FAN1: variants seen among roughly 807,000 people sequenced by gnomAD.
The protein encoded by FAN1 is fanconi-associated nuclease 1.
In FAN1, 91 loss-of-function variants were observed where a neutral mutation model predicts 104.9. The ratio of observed to expected loss-of-function variants is 0.87; its 90% CI spans 0.73 to 1.03. The LOEUF is 1.03. Ranked by LOEUF, FAN1 falls within the 50% of genes least tolerant of loss-of-function variation. FAN1 has a pLI of 0.00. For synonymous variants in FAN1, 478 were observed against 457.6 expected (o/e 1.04, Z -0.57); for missense variants, 1,263 against 1,239.9 (o/e 1.02, Z -0.28).
rs760108008 is a variant in FAN1, at chr15:30,913,963, A to G, written c.1683A>G (p.Glu561=). The change falls in exon 5 of 15, where the codon GAA becomes GAG. Residue 561 remains glutamate (E), a synonymous_variant. Transcript: ENST00000362065. ...CGTTGACCGACTCAATGGAAGATGA[A>G]GACGCCGCTTGTGGAGGTCAGGGAC... ...LFSLTDSMED[E]DAACGGQGQL... The G allele has an allele frequency of 3.7e-6, 6 of 1,614,210 alleles. No homozygotes were observed. The highest frequency in any genetic ancestry group is 4.2e-6 in the Non-Finnish European group (5 of 1,180,038).
At chr15:30,932,879 A>ATTT (rs774762002) in intron 13 of FAN1, among the ~76,000 whole-genome samples, 4 of 139,344 alleles carry the variant, frequency 2.9e-5, no homozygotes, top group African/African-American at 7.9e-5. Context: ...TGCCTGGATA[A>ATTT]TTTTTTTTTT....
Position 30,925,884 on chromosome 15 carries a change from G to C in FAN1, c.2433G>C (p.Leu811=), listed in dbSNP as rs141812435. Residue 811 remains leucine, a synonymous_variant, in exon 10 of 15, where the codon CTG becomes CTC. Transcript: ENST00000362065. ...AGGCCGCTGACCCCACCACGGTCCT[G>C]TGCTCTGTGGAGGAGCTGGCACTGG... is the stretch of plus-strand genomic sequence containing the variant. The part of the protein sequence containing the change: ...AGEAADPTTV[L]CSVEELALAH... 10 of 1,614,104 alleles carry C rather than the reference G, an allele frequency of 6.2e-6. No homozygotes were observed. Among genetic ancestry groups the C allele is most frequent in the African/African-American group, 1.3e-5 (1 of 74,956 alleles).
chr15:30,924,246 T>C (rs1158219188), intron 8 of FAN1, among the ~76,000 whole-genome samples: 2 of 152,210 alleles, frequency 1.3e-5, no homozygotes, highest in South Asian at 2.1e-4. Context: ...TAGCCACTCA[T>C]TGGTTGATGG....
chr15:30,920,813 C>T (rs1595852554), intron 7 of FAN1, among the ~76,000 whole-genome samples, 160 bp downstream of exon 7: 1 of 152,178 alleles, frequency 6.6e-6, no homozygotes, highest in South Asian at 2.1e-4. Context: ...GAGACAGGGT[C>T]TCACTCCATC....
At chr15:30,928,726 C>T (rs1172948941) in intron 11 of FAN1, 70 bp downstream of exon 11, 1 of 1,605,204 alleles carries the variant, frequency 6.2e-7, no homozygotes, top group African/African-American at 1.3e-5. Flanking sequence ...CACCTGGGCA[C>T]CGTGTGTCCA....
At position 30,942,055 on chromosome 15, in the gene FAN1, T is replaced by G. The variant is rs781084701; in HGVS notation, c.*493T>G. 1.8e-5 allele frequency: 29 copies of G among 1,613,656 alleles called. No homozygotes were observed. Among genetic ancestry groups the G allele is most frequent in the Non-Finnish European group, 2.0e-5 (24 of 1,179,692 alleles). On this transcript the variant is annotated 3_prime_UTR_variant, in exon 15 of 15. Transcript: ENST00000362065. ...TTAAGGCAGACGGCATTCCTCTTAG[T>G]GTGGAGCTGTAGCTTTTCTATACAG... is the stretch of plus-strand genomic sequence containing the variant.
At position 30,905,253 on chromosome 15, in the gene FAN1, C is replaced by A. The variant is rs376369585; in HGVS notation, c.590C>A (p.Ser197Ter). The A allele has an allele frequency of 6.2e-7, 1 of 1,614,018 alleles. No homozygotes were observed. The highest frequency in any genetic ancestry group is 8.5e-7 in the Non-Finnish European group (1 of 1,180,014). Reference protein sequence around the residue: ...TVVKSLIDNSSEIEDEDQILE... With the variant: ...TVVKSLIDNS ...GTTAAGAGCCTGATTGATAACTCTTCAGAAATTGAGGACGAGGATCAAATT... is the reference window on the plus strand; with the variant it reads ...GTTAAGAGCCTGATTGATAACTCTTAAGAAATTGAGGACGAGGATCAAATT... Residue 197 changes from serine to a stop codon, truncating the protein, a stop_gained, in exon 2 of 15, where the codon TCA (serine) becomes TAA (stop). Transcript: ENST00000362065. LOFTEE classifies it high-confidence loss of function.
intron 14 of FAN1, chr15:30,938,915 T>C: frequency 1.0e-6 from 1 of 985,244 alleles, no homozygotes; most frequent in Non-Finnish European, 1.2e-6. Context: ...TGTGTTCCAG[T>C]AGATGATTTC....
In FAN1 at chr15:30,925,795, A is replaced by AT; in HGVS notation, c.2345dup (p.Thr783HisfsTer24). 3 of 1,614,166 alleles carry AT rather than the reference A, an allele frequency of 1.9e-6. No homozygotes were observed. The highest frequency in any genetic ancestry group is 2.5e-6 in the Non-Finnish European group (3 of 1,180,040). ...TATTCTGCTGCTGTTTCAGGTGACC[A>AT]TCACAGGCAGGCTGTGCCCACAGCG... On this transcript the variant is annotated frameshift_variant, in exon 10 of 15. Transcript: ENST00000362065. LOFTEE classifies it high-confidence loss of function.
chr15:30,929,152 A>G (rs768533829), intron 11 of FAN1, 51 bp from the exon 12 acceptor site: 22 of 1,550,316 alleles, frequency 1.4e-5, no homozygotes, highest in Non-Finnish European at 1.9e-5. Context: ...CCTCTGGTGA[A>G]CACGGCTCTC....
intron 6 of FAN1, among the ~76,000 whole-genome samples, chr15:30,918,630 CG>C (rs1217923295): frequency 5.9e-5 from 9 of 152,024 alleles, no homozygotes; most frequent in African/African-American, 2.2e-4. Flanking sequence ...AGCAGCAGGA[CG>C]GATGTGGGAA....
chr15:30,918,337 C>T, intron 6 of FAN1, 42 bp downstream of exon 6: 1 of 1,598,676 alleles, frequency 6.3e-7, no homozygotes, highest in East Asian at 2.2e-5. Context: ...TATACATTGA[C>T]CAAGTTGTTC....
chr15:30,924,907 A>G (rs957170921), intron 8 of FAN1, among the ~76,000 whole-genome samples: 10 of 152,206 alleles, frequency 6.6e-5, no homozygotes, highest in Non-Finnish European at 8.8e-5. Context: ...CAGCCCGGTC[A>G]CGCTCCAGCA....
At chr15:30,920,479 TTGTTA>T in intron 6 of FAN1, 61 bp from the exon 7 acceptor site, 2 of 1,006,060 alleles carry the variant, frequency 2.0e-6, no homozygotes, top group Non-Finnish European at 3.1e-6. Flanking sequence ...GCTTTGTCAC[TTGTTA>T]TTATTGTCTT....
intron 14 of FAN1, chr15:30,940,388 C>T: frequency 1.0e-6 from 1 of 985,402 alleles, no homozygotes; most frequent in Middle Eastern, 5.2e-4. Context: ...ATTCAAATGG[C>T]AGTGTTTTGA....
rs781037634 is a variant in FAN1, at chr15:30,941,284, A to G, written c.*4-282A>G. ...ATGACAGAAAGAGGACAGGAACAAA[A>G]TTTACATCTCTCTTAAAATAAGTGT... On this transcript the variant is annotated intron_variant, in intron 14 of 14. Transcript: ENST00000362065. 137 of 1,504,548 alleles carry G rather than the reference A, an allele frequency of 9.1e-5. 1 individual carries two copies. The African/African-American group carries it at 1.7e-3, about 19-fold the overall frequency. The allele number at this position is 1,504,548 out of a possible 1,614,324, so 93.2% of individuals were successfully genotyped here.
intron 5 of FAN1, among the ~76,000 whole-genome samples, chr15:30,916,895 G>A (rs965217064): frequency 6.6e-6 from 1 of 152,140 alleles, no homozygotes; most frequent in Non-Finnish European, 1.5e-5. Flanking sequence ...GCCCTGGAGA[G>A]GTGACATTTG....
intron 12 of FAN1, 43 bp downstream of exon 12, chr15:30,929,440 C>T (rs1234318690): frequency 6.6e-7 from 1 of 1,516,804 alleles, no homozygotes; most frequent in African/African-American, 1.4e-5. Context: ...AGAAAGTTAA[C>T]ACCGCCCCAG....
intron 7 of FAN1, among the ~76,000 whole-genome samples, chr15:30,921,908 A>G (rs1421023881): frequency 6.6e-6 from 1 of 152,166 alleles, no homozygotes; most frequent in Non-Finnish European, 1.5e-5. Context: ...AACTGTGACC[A>G]GTGCTCAGCT....
Sources: allele counts gnomAD v4.1 joint callset (sites outside exome capture counted in the v4.1 genomes callset), GRCh38; gene constraint gnomAD v4.1.1; transcripts MANE v1.5; gene names NCBI Gene and HGNC (gene_info 2026-07-23, HGNC 2026-07-21).